Variants in ARHGEF10 observed in about 807,000 individuals in gnomAD.
The protein encoded by ARHGEF10 is Rho guanine nucleotide exchange factor 10.
A neutral mutation model predicts 147.4 loss-of-function variants in ARHGEF10; 140 were observed. That is an observed-to-expected ratio of 0.95 (90% confidence interval 0.83 to 1.09). The LOEUF (loss-of-function observed/expected upper bound fraction) is 1.09. Among genes scored for constraint, ARHGEF10 ranks in the 50% least tolerant of loss-of-function variants. ARHGEF10 has a pLI of 0.00. For synonymous variants in ARHGEF10, 902 were observed against 695.8 expected, an observed-to-expected ratio of 1.30 and a Z score of -4.67; for missense variants, 2,222 against 1,752.7, an observed-to-expected ratio of 1.27 and a Z score of -4.78.
At chr8:1,956,547 C>G (rs1402407725) in intron 28 of ARHGEF10, among the ~76,000 whole-genome samples, 1 of 152,096 alleles carries the variant, frequency 6.6e-6, no homozygotes, top group East Asian at 1.9e-4. Flanking sequence ...TTTTTAAAGC[C>G]TTTTTCACAT....
At chr8:1,857,543 C>T (rs1043461293) in intron 2 of ARHGEF10, among the ~76,000 whole-genome samples, 1 of 151,978 alleles carries the variant, frequency 6.6e-6, no homozygotes, top group Non-Finnish European at 1.5e-5. Flanking sequence ...CCCCACCTTC[C>T]TGAGAAGCTG....
chr8:1,910,763 A>G (rs935290842), intron 18 of ARHGEF10, among the ~76,000 whole-genome samples: 1 of 152,232 alleles, frequency 6.6e-6, no homozygotes, highest in Non-Finnish European at 1.5e-5. Context: ...TCAAATTTAT[A>G]TTGTGGTTTT....
At chr8:1,861,786 CTG>C (rs1806156130) in intron 4 of ARHGEF10, among the ~76,000 whole-genome samples, 1 of 152,286 alleles carries the variant, frequency 6.6e-6, no homozygotes, top group East Asian at 1.9e-4. Flanking sequence ...TGTTGTCACT[CTG>C]TGACCGCGGA....
intron 27 of ARHGEF10, among the ~76,000 whole-genome samples, chr8:1,950,344 C>G (rs1003240149): frequency 6.6e-6 from 1 of 152,116 alleles, no homozygotes. Flanking sequence ...CGCATGACCT[C>G]GTGACTGTGG....
At chr8:1,851,289 A>G (rs1805124244) in intron 2 of ARHGEF10, among the ~76,000 whole-genome samples, 1 of 151,846 alleles carries the variant, frequency 6.6e-6, no homozygotes, top group East Asian at 1.9e-4. Flanking sequence ...GACGTACCTC[A>G]GTGTTGGCTC....
intron 4 of ARHGEF10, among the ~76,000 whole-genome samples, chr8:1,863,396 G>A (rs552937119): frequency 6.6e-6 from 1 of 152,352 alleles, no homozygotes; most frequent in African/African-American, 2.4e-5. Flanking sequence ...AGCTGTCTCC[G>A]ACTTTGAGCC....
At chr8:1,916,030 A>G (rs191871096) in intron 18 of ARHGEF10, among the ~76,000 whole-genome samples, 1 of 152,314 alleles carries the variant, frequency 6.6e-6, no homozygotes, top group East Asian at 1.9e-4. Context: ...AGCCATGGGG[A>G]TGGGCCAGAT....
At chr8:1,869,392 G>A in intron 7 of ARHGEF10, 142 bp downstream of exon 7, 1 of 761,018 alleles carries the variant, frequency 1.3e-6, no homozygotes, top group African/African-American at 1.7e-5. Context: ...GCTTATTGAT[G>A]TGTGGTGGAA....
At chr8:1,857,639 C>T (rs977896917) in intron 2 of ARHGEF10, among the ~76,000 whole-genome samples, 2 of 151,996 alleles carry the variant, frequency 1.3e-5, no homozygotes, top group African/African-American at 4.8e-5. Flanking sequence ...AGGCTGGTCT[C>T]AAGCTTCTTA....
At chr8:1,865,020 G>A (rs191015830) in intron 5 of ARHGEF10, among the ~76,000 whole-genome samples, 54 of 152,368 alleles carry the variant, frequency 3.5e-4, no homozygotes, top group African/African-American at 1.3e-3. Context: ...AGAATGTAGT[G>A]TGAGGAAAAC....
intron 4 of ARHGEF10, 23 bp from the exon 5 acceptor site, chr8:1,864,350 T>A (rs780535951): frequency 3.1e-6 from 5 of 1,613,182 alleles, no homozygotes; most frequent in East Asian, 2.2e-5. Flanking sequence ...TAAAGCAGCA[T>A]CACATATTTT....
Position 1,860,117 on chromosome 8 carries a change from C to G in ARHGEF10, c.414C>G (p.Asn138Lys), listed in dbSNP as rs1680622822. ...PVPCGYAVPSNLPLLLPAYSS... is the reference protein window; with the variant it reads ...PVPCGYAVPSKLPLLLPAYSS... ...CCTGCGGCTATGCGGTGCCCTCCAACCTGCCCCTCCTGCTGCCCGCCTACT... is the reference window on the plus strand; with the variant it reads ...CCTGCGGCTATGCGGTGCCCTCCAAGCTGCCCCTCCTGCTGCCCGCCTACT... Residue 138 changes from asparagine (N) to lysine (K), a missense_variant, in exon 4 of 29, where the codon AAC becomes AAG. Transcript: ENST00000349830. 1.2e-6 allele frequency: 2 copies of G among 1,613,964 alleles called. No individual in the cohort carries two copies. Among genetic ancestry groups the G allele is most frequent in the African/African-American group, 2.7e-5 (2 of 74,916 alleles).
At position 1,945,668 on chromosome 8, in the gene ARHGEF10, G is replaced by A; in HGVS notation, c.3397+13G>A. Reference sequence around the variant, plus strand: ...AACATGCTGCCAGGTAAGGGGACGGGACGGGGCCCAGGGATGGGACAGCAA... The same window carrying A: ...AACATGCTGCCAGGTAAGGGGACGGAACGGGGCCCAGGGATGGGACAGCAA... On this transcript the variant is annotated intron_variant, in intron 27 of 28. Coordinates refer to ENST00000349830, the MANE Select transcript of ARHGEF10 (RefSeq NM_014629.4). 6.2e-7 allele frequency: 1 copy of A among 1,614,164 alleles called. No homozygotes were observed. The highest frequency in any genetic ancestry group is 8.5e-7 in the Non-Finnish European group (1 of 1,180,004).
intron 18 of ARHGEF10, among the ~76,000 whole-genome samples, chr8:1,921,036 T>G (rs767690886): frequency 2.6e-5 from 4 of 152,230 alleles, no homozygotes; most frequent in Non-Finnish European, 4.4e-5. Flanking sequence ...TCCTCCTGCC[T>G]TGGTCTCCCA....
chr8:1,907,715 C>A (rs1811014361), intron 17 of ARHGEF10, among the ~76,000 whole-genome samples: 1 of 152,202 alleles, frequency 6.6e-6, no homozygotes, highest in Admixed American at 6.5e-5. Context: ...AACGCCCCTG[C>A]CTTTCCCACG....
At chr8:1,887,003 A>G (rs755246110) in intron 11 of ARHGEF10, among the ~76,000 whole-genome samples, 1 of 152,088 alleles carries the variant, frequency 6.6e-6, no homozygotes, top group Admixed American at 6.5e-5. Flanking sequence ...ACCTCACTTC[A>G]TGCTCAGGAG....
chr8:1,930,102 G>A (rs1163827339), intron 25 of ARHGEF10, among the ~76,000 whole-genome samples: 1 of 151,998 alleles, frequency 6.6e-6, no homozygotes, highest in African/African-American at 2.4e-5. Context: ...AGCTTCCTTG[G>A]TGCTGGCTGA....
At chr8:1,926,667 T>A in intron 23 of ARHGEF10, 1 of 636,142 alleles carries the variant, frequency 1.6e-6, no homozygotes, top group Non-Finnish European at 2.8e-6. Flanking sequence ...TGCAAATATT[T>A]GTTTCTTTTC....
At chr8:1,934,039 C>A (rs1813368062) in intron 26 of ARHGEF10, 97 bp downstream of exon 26, 1 of 1,544,238 alleles carries the variant, frequency 6.5e-7, no homozygotes, top group Admixed American at 1.7e-5. Context: ...TTGCCTGTGG[C>A]TAAATTTCCT....
Sources: gnomAD v4.1 joint callset for allele counts (sites outside exome capture counted in the v4.1 genomes callset) on GRCh38, gnomAD v4.1.1 for gene constraint, MANE v1.5 for transcripts, NCBI Gene and HGNC (gene_info 2026-07-23, HGNC 2026-07-21) for gene names.